The following NTM variants were observed in gnomAD, a reference collection of about 807,000 sequenced individuals.
NTM encodes IgLON family member 2.
Under a neutral mutation model 42.1 loss-of-function variants are expected in NTM, and 13 were observed. The observed-to-expected ratio is 0.31, with a 90% CI of 0.20 to 0.49. The LOEUF (loss-of-function observed/expected upper bound fraction) is 0.49, where lower values mean the gene tolerates loss of function less well. Ranked by LOEUF, NTM falls within the 20% of genes least tolerant of loss-of-function variation. NTM has a pLI of 0.99. For missense variants in NTM, 373 were observed against 452.8 expected (o/e 0.82, Z 1.60); for synonymous variants, 187 against 179.2 (o/e 1.04, Z -0.35).
chr11:131,964,267 G>C (rs541464204), intron 2 of NTM, among the ~76,000 whole-genome samples: 378 of 152,264 alleles, frequency 2.5e-3, no homozygotes, highest in African/African-American at 8.9e-3. Flanking sequence ...ACTTAGATGG[G>C]TCATTTGTTG....
At chr11:131,521,427 C>T (rs1246075895) in intron 1 of NTM, among the ~76,000 whole-genome samples, 4 of 61,174 alleles carry the variant, frequency 6.5e-5, no homozygotes, top group Non-Finnish European at 9.1e-5. Flanking sequence ...TTTTTTGAGA[C>T]GGGAGTCTCG....
At chr11:131,878,096 T>C (rs986714298) in intron 1 of NTM, 1 of 152,132 alleles carries the variant, frequency 6.6e-6, no homozygotes, top group Non-Finnish European at 1.5e-5. Context: ...CTCATTGAGT[T>C]TGGGGATTCT....
At chr11:131,380,210 G>A (rs1208066204) in intron 1 of NTM, among the ~76,000 whole-genome samples, 1 of 136,984 alleles carries the variant, frequency 7.3e-6, no homozygotes, top group East Asian at 2.1e-4. Flanking sequence ...TTTCCTTTGA[G>A]TCTTTTTTTT....
At chr11:131,906,367 T>A (rs527803039) in intron 1 of NTM, among the ~76,000 whole-genome samples, 9 of 152,270 alleles carry the variant, frequency 5.9e-5, no homozygotes, top group Admixed American at 5.9e-4. Flanking sequence ...TTCTGACTTC[T>A]AGTCTGGATT....
intron 4 of NTM, among the ~76,000 whole-genome samples, chr11:132,230,157 G>T (rs544770333): frequency 5.3e-5 from 8 of 152,156 alleles, no homozygotes; most frequent in South Asian, 2.1e-4. Context: ...GAGAGTCGAT[G>T]TATCTTCTCA....
At chr11:132,177,396 C>T (rs956587624) in intron 3 of NTM, among the ~76,000 whole-genome samples, 2 of 152,136 alleles carry the variant, frequency 1.3e-5, no homozygotes, top group East Asian at 3.9e-4. Context: ...ACAGTATGAT[C>T]CAATAGCTTT....
chr11:132,280,688 G>A (rs1444598971), intron 4 of NTM, among the ~76,000 whole-genome samples: 1 of 152,024 alleles, frequency 6.6e-6, no homozygotes, highest in African/African-American at 2.4e-5. Context: ...GTTTCACCAT[G>A]TTGGCCAGGC....
At chr11:132,316,356 C>A (rs1315049059) in intron 7 of NTM, among the ~76,000 whole-genome samples, 1 of 152,212 alleles carries the variant, frequency 6.6e-6, no homozygotes, top group Non-Finnish European at 1.5e-5. Context: ...ACACATGTAG[C>A]AATTACAATG....
rs1448763989 is a variant in NTM, at chr11:132,187,196, A to G, written c.401-24826A>G. ...TCTCTTTTCTTCATTTTCACTGGAAAGGAGGTTGCTCAGATGGCGTGTGTG... is the reference window on the plus strand; with the variant it reads ...TCTCTTTTCTTCATTTTCACTGGAAGGGAGGTTGCTCAGATGGCGTGTGTG... On this transcript the variant is annotated intron_variant, in intron 3 of 8. Transcript: ENST00000683400. 2.0e-5 allele frequency among the ~76,000 whole-genome samples: 3 copies of G among 148,988 alleles called. No homozygotes were observed. In the Admixed American group the frequency reaches 2.0e-4, roughly 10 times the overall value.
chr11:131,698,893 C>G (rs760692490), intron 1 of NTM, among the ~76,000 whole-genome samples: 2 of 152,192 alleles, frequency 1.3e-5, no homozygotes, highest in Non-Finnish European at 2.9e-5. Context: ...TCAAATCTCT[C>G]TCTTGCTACT....
chr11:132,316,635 C>T (rs964144756), intron 7 of NTM, among the ~76,000 whole-genome samples: 1 of 152,138 alleles, frequency 6.6e-6, no homozygotes, highest in Non-Finnish European at 1.5e-5. Context: ...CAGGATGTTT[C>T]AATCAGAAAC....
At chr11:132,272,025 T>C (rs78628749) in intron 4 of NTM, among the ~76,000 whole-genome samples, 165 of 152,288 alleles carry the variant, frequency 1.1e-3, no homozygotes, top group Middle Eastern at 3.4e-3. Flanking sequence ...GAACTTATAT[T>C]ATGTATCTTG....
At chr11:131,534,925 T>C (rs1279133373) in intron 1 of NTM, 1 of 152,214 alleles carries the variant, frequency 6.6e-6, no homozygotes, top group Non-Finnish European at 1.5e-5. Context: ...GTATTTTCAA[T>C]GGAAGGAGCC....
intron 2 of NTM, among the ~76,000 whole-genome samples, chr11:132,115,211 T>C (rs1344396140): frequency 6.6e-6 from 1 of 152,160 alleles, no homozygotes; most frequent in Non-Finnish European, 1.5e-5. Flanking sequence ...AGGGTAATTC[T>C]GGAGATCTAA....
rs78347954 is a variant in NTM at position 132,300,492 on chromosome 11, C to T, written c.527-7197C>T. Among the ~76,000 whole-genome samples, 988 of 152,256 alleles carry T rather than the reference C, an allele frequency of 6.5e-3. 11 individuals carry two copies. Among genetic ancestry groups the T allele is most frequent in the African/African-American group, 0.023 (944 of 41,542 alleles). ...CTCATCACTGCCCCCACAGTGCAGC[C>T]GGGGGAAGTGGTGCTTACAGCTGCT... is the stretch of plus-strand genomic sequence containing the variant. On this transcript the variant is annotated intron_variant, in intron 4 of 8. Coordinates refer to ENST00000683400, the MANE Select transcript of NTM (RefSeq NM_001352005.2).
chr11:131,463,384 G>T (rs962517614), intron 1 of NTM, among the ~76,000 whole-genome samples: 5 of 152,172 alleles, frequency 3.3e-5, no homozygotes, highest in Non-Finnish European at 4.4e-5. Context: ...CTGCCCCCCA[G>T]TGCGTGACCT....
chr11:131,604,441 A>G (rs961773877), intron 1 of NTM, among the ~76,000 whole-genome samples: 2 of 152,116 alleles, frequency 1.3e-5, no homozygotes, highest in African/African-American at 4.8e-5. Context: ...TTTATTAACT[A>G]TATTGTTTGC....
rs542950917 is a variant in NTM, at chr11:132,148,469, T to G, written c.400+1955T>G. Among the ~76,000 whole-genome samples, 262 of 151,898 alleles carry G rather than the reference T, an allele frequency of 1.7e-3. 1 individual carries two copies. Among genetic ancestry groups the G allele is most frequent in the African/African-American group, 6.0e-3 (247 of 41,388 alleles). ...CTGTCCTGCCCCAACCCCTGCACAC[T>G]TAGTGTTGAGAAAAGAATGCCTAGC... On this transcript the variant is annotated intron_variant, in intron 3 of 8. Coordinates refer to ENST00000683400, the MANE Select transcript of NTM (RefSeq NM_001352005.2).
intron 2 of NTM, among the ~76,000 whole-genome samples, chr11:132,028,052 ATC>A (rs1226637607): frequency 6.6e-6 from 1 of 150,712 alleles, no homozygotes; most frequent in African/African-American, 2.4e-5. Context: ...TATTTCTACC[ATC>A]TTCTTTTGAA....
Sources: gnomAD v4.1 joint callset for allele counts (sites outside exome capture counted in the v4.1 genomes callset) on GRCh38, gnomAD v4.1.1 for gene constraint, MANE v1.5 for transcripts, NCBI Gene and HGNC (gene_info 2026-07-23, HGNC 2026-07-21) for gene names.